GRIK2: variants seen among roughly 807,000 people sequenced by gnomAD.
GRIK2 encodes glutamate receptor ionotropic, kainate 2.
GRIK2 carries 32 observed loss-of-function variants against 100.3 expected under a neutral mutation model. The ratio of observed to expected loss-of-function variants is 0.32; its 90% CI spans 0.24 to 0.43. The LOEUF (loss-of-function observed/expected upper bound fraction) is 0.43. GRIK2 is among the 20% of genes least tolerant of loss of function. The pLI, the probability that GRIK2 is intolerant of heterozygous loss-of-function variation, is 1.00. For missense variants in GRIK2, 843 were observed against 1,114.9 expected, an observed-to-expected ratio of 0.76 and a Z score of 3.47; for synonymous variants, 417 against 389.4, an observed-to-expected ratio of 1.07 and a Z score of -0.83.
intron 2 of GRIK2, among the ~76,000 whole-genome samples, chr6:101,436,222 AT>A (rs2128244683): frequency 6.6e-6 from 1 of 152,268 alleles, no homozygotes; most frequent in South Asian, 2.1e-4. Context: ...CTAATTATTC[AT>A]TTTTATGAGA....
At chr6:101,795,794 G>C (rs574515703) in intron 7 of GRIK2, among the ~76,000 whole-genome samples, 1 of 152,320 alleles carries the variant, frequency 6.6e-6, no homozygotes, top group East Asian at 1.9e-4. Flanking sequence ...TGCCAGGGGT[G>C]TGGGCCTGCC....
chr6:102,036,438 A>ATTAAG (rs1023110685), intron 15 of GRIK2, among the ~76,000 whole-genome samples: 2 of 151,354 alleles, frequency 1.3e-5, no homozygotes, highest in African/African-American at 2.4e-5. Context: ...TGCAGATGCG[A>ATTAAG]TTAAGTTAAG....
intron 7 of GRIK2, among the ~76,000 whole-genome samples, chr6:101,749,065 C>A (rs1256742342): frequency 3.3e-5 from 5 of 152,082 alleles, no homozygotes; most frequent in Non-Finnish European, 7.4e-5. Flanking sequence ...AATTTATGTA[C>A]ATTATTAAAT....
intron 12 of GRIK2, among the ~76,000 whole-genome samples, chr6:101,893,417 A>G (rs1787233493): frequency 6.6e-6 from 1 of 151,752 alleles, no homozygotes; most frequent in African/African-American, 2.4e-5. Flanking sequence ...ATTAACTGTT[A>G]GGGAATTATG....
intron 12 of GRIK2, among the ~76,000 whole-genome samples, chr6:101,920,874 CAATT>C (rs929713369): frequency 1.3e-5 from 2 of 151,196 alleles, no homozygotes; most frequent in Non-Finnish European, 3.0e-5. Context: ...ACAATGGACA[CAATT>C]AAAGATTTTT....
At chr6:101,545,948 T>C (rs980641666) in intron 2 of GRIK2, among the ~76,000 whole-genome samples, 1 of 6,346 alleles carries the variant, frequency 1.6e-4, no homozygotes, top group South Asian at 4.7e-3. Context: ...TTCTCAACAT[T>C]TTTTTTTTTT....
At chr6:101,506,905 A>G (rs1274145189) in intron 2 of GRIK2, among the ~76,000 whole-genome samples, 2 of 152,122 alleles carry the variant, frequency 1.3e-5, no homozygotes, top group Admixed American at 1.3e-4. Flanking sequence ...GATTCACTGA[A>G]AACTCTGTTT....
At chr6:101,573,126 G>A (rs1317730509) in intron 2 of GRIK2, among the ~76,000 whole-genome samples, 2 of 152,024 alleles carry the variant, frequency 1.3e-5, no homozygotes, top group African/African-American at 4.8e-5. Flanking sequence ...AATTACAGGG[G>A]TGAGCCACCA....
intron 11 of GRIK2, among the ~76,000 whole-genome samples, chr6:101,867,528 A>G (rs1216482190): frequency 6.6e-6 from 1 of 151,814 alleles, no homozygotes; most frequent in African/African-American, 2.4e-5. Context: ...ATGCTATACT[A>G]GATTATGATT....
chr6:101,517,412 A>G (rs1774640747), intron 2 of GRIK2, among the ~76,000 whole-genome samples: 1 of 152,126 alleles, frequency 6.6e-6, no homozygotes, highest in East Asian at 1.9e-4. Context: ...CAGCTGGTAG[A>G]GCGAAGGACC....
At chr6:101,521,718 A>G (rs573821454) in intron 2 of GRIK2, among the ~76,000 whole-genome samples, 46 of 152,092 alleles carry the variant, frequency 3.0e-4, no homozygotes, top group Middle Eastern at 3.4e-3. Flanking sequence ...TCTTAATAGT[A>G]AATTAGATTT....
intron 15 of GRIK2, among the ~76,000 whole-genome samples, chr6:102,047,545 C>T (rs936617754): frequency 2.0e-5 from 3 of 151,910 alleles, no homozygotes; most frequent in Non-Finnish European, 2.9e-5. Context: ...GTCAGGAGTT[C>T]GAGACCAGCC....
chr6:101,935,385 G>A (rs528891358), intron 14 of GRIK2, among the ~76,000 whole-genome samples: 124 of 151,832 alleles, frequency 8.2e-4, no homozygotes, highest in Admixed American at 2.4e-3. Context: ...ATTTTATTTT[G>A]TATGTCTAAG....
At chr6:101,479,077 C>T (rs1045077131) in intron 2 of GRIK2, among the ~76,000 whole-genome samples, 1 of 152,134 alleles carries the variant, frequency 6.6e-6, no homozygotes, top group Non-Finnish European at 1.5e-5. Flanking sequence ...AAGTTGACAG[C>T]TTGTTCTCAT....
chr6:101,508,670 G>A (rs1179874503), intron 2 of GRIK2, among the ~76,000 whole-genome samples: 1 of 152,120 alleles, frequency 6.6e-6, no homozygotes, highest in African/African-American at 2.4e-5. Flanking sequence ...CTTATGCAGA[G>A]ATCCTTGGCC....
chr6:101,574,568 T>C (rs1777713162), intron 2 of GRIK2, among the ~76,000 whole-genome samples: 1 of 151,422 alleles, frequency 6.6e-6, no homozygotes, highest in Non-Finnish European at 1.5e-5. Flanking sequence ...CGAATTGTAA[T>C]GCCCAGTTTG....
At position 101,909,380 on chromosome 6, in the gene GRIK2, T is replaced by TTTGTTG. The variant is rs1337762923; in HGVS notation, c.1749-15220_1749-15219insTGTTGT. Among the ~76,000 whole-genome samples the TTTGTTG allele has an allele frequency of 2.9e-3, 390 of 132,582 alleles. 16 individuals are homozygous for TTTGTTG. The highest frequency in any genetic ancestry group is 0.012 in the African/African-American group (377 of 31,820). The allele number at this position is 132,582 out of a possible 152,430, so 87.0% of individuals were successfully genotyped here. The stretch of plus-strand genomic sequence containing the variant: ...GCTGAAGGAAGATAGGGTTTTCTTT[T>TTTGTTG]TCTTTTTTTTTTTTTTAAAGATCAT... On this transcript the variant is annotated intron_variant, in intron 12 of 16. Coordinates refer to ENST00000369134, the MANE Select transcript of GRIK2 (RefSeq NM_021956.5).
At chr6:101,402,310 A>T (rs2128235963) in intron 2 of GRIK2, among the ~76,000 whole-genome samples, 1 of 152,214 alleles carries the variant, frequency 6.6e-6, no homozygotes, top group African/African-American at 2.4e-5. Flanking sequence ...ACTAAGACAC[A>T]TGCGCCCTCC....
chr6:101,769,442 G>GTGAAATATTAT (rs2128396253), intron 7 of GRIK2, among the ~76,000 whole-genome samples: 1 of 152,272 alleles, frequency 6.6e-6, no homozygotes, highest in African/African-American at 2.4e-5. Flanking sequence ...ATTATCTGAT[G>GTGAAATATTAT]CTGTGAACCC....
Sources: allele counts gnomAD v4.1 joint callset (sites outside exome capture counted in the v4.1 genomes callset), GRCh38; gene constraint gnomAD v4.1.1; transcripts MANE v1.5; gene names NCBI Gene and HGNC (gene_info 2026-07-23, HGNC 2026-07-21).